The following GAPVD1 variants were observed in gnomAD, a reference collection of about 807,000 sequenced individuals.
GAPVD1 encodes GTPase-activating protein and VPS9 domain-containing protein 1.
In GAPVD1, 35 loss-of-function variants were observed where a neutral mutation model predicts 155.5. The ratio of observed to expected loss-of-function variants is 0.23; its 90% CI spans 0.17 to 0.30. The LOEUF (loss-of-function observed/expected upper bound fraction) is 0.30. GAPVD1 is among the 10% of genes least tolerant of loss of function. GAPVD1 has a pLI of 1.00. For synonymous variants in GAPVD1, 636 were observed against 619.7 expected (o/e 1.03, Z -0.39); for missense variants, 1,429 against 1,775.7 (o/e 0.80, Z 3.51).
In GAPVD1 at chr9:125,302,529, G is replaced by C. The variant is rs1272578694; in HGVS notation, c.732G>C (p.Arg244Ser). ...LFGEKGSDRF[R>S]QKVQEMVESN... ...GAGAGAAGGGCTCAGATAGATTCAG[G>C]CAAAAAGTTCAAGAAATGGTGGAGT... is the stretch of plus-strand genomic sequence containing the variant. Residue 244 changes from arginine to serine, a missense_variant, in exon 5 of 28, where the codon AGG (arginine) becomes AGC (serine). Around this residue, in one of 4 missense-constraint regions of GAPVD1, gnomAD observed 628 missense variants for 733.4 expected, o/e 0.86. Transcript: ENST00000297933. The C allele has an allele frequency of 6.2e-7, 1 of 1,613,894 alleles. No individual in the cohort carries two copies. The highest frequency in any genetic ancestry group is 8.5e-7 in the Non-Finnish European group (1 of 1,179,916).
intron 2 of GAPVD1, among the ~76,000 whole-genome samples, chr9:125,275,010 A>G (rs1835532938): frequency 6.6e-6 from 1 of 152,144 alleles, no homozygotes; most frequent in Non-Finnish European, 1.5e-5. Context: ...TTTTCGCTTA[A>G]TGATGTCTGA....
intron 5 of GAPVD1, chr9:125,303,985 G>A (rs1487262593): frequency 6.6e-6 from 1 of 152,022 alleles, no homozygotes; most frequent in African/African-American, 2.4e-5. Context: ...AATCTTCTCT[G>A]TAGAGTTCCA....
At chr9:125,290,715 A>G (rs528553705) in intron 2 of GAPVD1, among the ~76,000 whole-genome samples, 1 of 152,274 alleles carries the variant, frequency 6.6e-6, no homozygotes, top group South Asian at 2.1e-4. Flanking sequence ...TAATGGGGTT[A>G]AAGTGATAAT....
intron 20 of GAPVD1, 171 bp downstream of exon 20, chr9:125,347,112 C>T (rs1848610292): frequency 1.5e-6 from 1 of 663,724 alleles, no homozygotes; most frequent in South Asian, 1.9e-5. Context: ...TCTGGATTCT[C>T]CCACTAGCCC....
chr9:125,321,250 A>C (rs563936642), intron 9 of GAPVD1, among the ~76,000 whole-genome samples, 183 bp from the exon 10 acceptor site: 1 of 152,326 alleles, frequency 6.6e-6, no homozygotes, highest in East Asian at 1.9e-4. Context: ...GCATGGCTTC[A>C]GCTGCTTTAA....
chr9:125,366,503 A>G lies in GAPVD1; in HGVS notation c.*3757A>G, dbSNP rs2291858. ...GGTGCTTCCTAGATTTTTCTCTCCCATCTCTTCCTGCTTTGTTTCTTTAAA... is the reference window on the plus strand; with the variant it reads ...GGTGCTTCCTAGATTTTTCTCTCCCGTCTCTTCCTGCTTTGTTTCTTTAAA... On this transcript the variant is annotated 3_prime_UTR_variant, in exon 28 of 28. Coordinates refer to ENST00000297933, the MANE Select transcript of GAPVD1 (RefSeq NM_001282680.3). The G allele has an allele frequency of 0.51, 77,518 of 151,982 alleles. 19,897 individuals are homozygous for G. Among genetic ancestry groups the G allele is most frequent in the Middle Eastern group, 0.58 (171 of 294 alleles). 9.4% of individuals were successfully genotyped at this position (151,982 alleles called of 1,614,324 possible). A position where few individuals can be genotyped will look rare whatever the true frequency, so the allele number is the denominator to read the frequency against.
chr9:125,298,946 C>G lies in GAPVD1; in HGVS notation c.25C>G (p.Leu9Val). The G allele has an allele frequency of 6.2e-7, 1 of 1,608,860 alleles. No homozygotes were observed. Among genetic ancestry groups the G allele is most frequent in the African/African-American group, 1.3e-5 (1 of 74,880 alleles). Residue 9 changes from leucine to valine, a missense_variant, in exon 4 of 28, where the codon CTG (leucine) becomes GTG (valine). Leu to Val is a conservative substitution (Grantham distance 32). This residue lies in a region of GAPVD1 where 628 missense variants were observed against 733.4 expected (regional missense o/e 0.86). Transcript: ENST00000297933. ...GATGGTGAAACTAGATATTCATACT[C>G]TGGCTCATCACCTCAAGCAGGAACG... MVKLDIHT[L>V]AHHLKQERLY...
chr9:125,359,971 C>T (rs1263808603), intron 26 of GAPVD1: 1 of 154,994 alleles, frequency 6.5e-6, no homozygotes, highest in Non-Finnish European at 1.4e-5. Flanking sequence ...GGTATTTGAG[C>T]TTTCTGTTTG....
In GAPVD1 at chr9:125,364,117, C is replaced by A. The variant is rs1455837927; in HGVS notation, c.*1371C>A. ...CCTTGTTGTTGGGAGCATTTCCAGG[C>A]ATCTTTTAAGGGAACTGTGACAAAC... On this transcript the variant is annotated 3_prime_UTR_variant, in exon 28 of 28. Coordinates refer to ENST00000297933, the MANE Select transcript of GAPVD1 (RefSeq NM_001282680.3). 6.6e-6 allele frequency: 1 copy of A among 152,224 alleles called. No individual in the cohort carries two copies. Among genetic ancestry groups the A allele is most frequent in the Non-Finnish European group, 1.5e-5 (1 of 68,040 alleles). The allele number at this position is 152,224 out of a possible 1,614,324, so 9.4% of individuals were successfully genotyped here.
chr9:125,330,176 A>G lies in GAPVD1; in HGVS notation c.2131A>G (p.Thr711Ala). Residue 711 changes from threonine (T) to alanine (A), a missense_variant, in exon 13 of 28, where the codon ACA (threonine) becomes GCA (alanine). Transcript: ENST00000297933. Reference protein sequence around the residue: ...PCTGSTISETTSEAWSVEVLP... With the variant: ...PCTGSTISETASEAWSVEVLP... ...CACTGGTTCTACCATATCAGAGACA[A>G]CAAGTGAAGCTTGGAGTGTAGAGGT... 2 of 1,612,718 alleles carry G rather than the reference A, an allele frequency of 1.2e-6. No individual in the cohort carries two copies. Among genetic ancestry groups the G allele is most frequent in the Non-Finnish European group, 1.7e-6 (2 of 1,179,042 alleles).
At chr9:125,295,774 TA>T (rs1297586534) in intron 3 of GAPVD1, among the ~76,000 whole-genome samples, 200 bp downstream of exon 3, 1 of 152,132 alleles carries the variant, frequency 6.6e-6, no homozygotes, top group Non-Finnish European at 1.5e-5. Flanking sequence ...TTGAAGACTT[TA>T]ATTTCTAAAT....
intron 24 of GAPVD1, among the ~76,000 whole-genome samples, chr9:125,355,339 C>T (rs1427803864): frequency 2.0e-5 from 3 of 152,178 alleles, no homozygotes; most frequent in Middle Eastern, 3.2e-3. Flanking sequence ...CTCCTGACCT[C>T]GTGATCCGCC....
At chr9:125,315,005 T>A (rs1183435486) in intron 9 of GAPVD1, among the ~76,000 whole-genome samples, 2 of 152,072 alleles carry the variant, frequency 1.3e-5, no homozygotes, top group African/African-American at 4.8e-5. Flanking sequence ...GCCAGGATAG[T>A]CTCGATCTCC....
intron 9 of GAPVD1, among the ~76,000 whole-genome samples, chr9:125,313,245 A>C (rs1842906533): frequency 6.6e-6 from 1 of 150,652 alleles, no homozygotes; most frequent in Admixed American, 6.6e-5. Flanking sequence ...CAACATACAG[A>C]TTTTGGGGGA....
chr9:125,338,136 A>C (rs989911114), intron 17 of GAPVD1, among the ~76,000 whole-genome samples: 1 of 152,222 alleles, frequency 6.6e-6, no homozygotes, highest in Non-Finnish European at 1.5e-5. Context: ...GGCCTCCCAG[A>C]GTTGCTGGGA....
chr9:125,305,514 G>A (rs1459687736), intron 6 of GAPVD1, among the ~76,000 whole-genome samples: 1 of 151,936 alleles, frequency 6.6e-6, no homozygotes, highest in Non-Finnish European at 1.5e-5. Context: ...GGGATCACAG[G>A]TGCCTGCCAC....
intron 2 of GAPVD1, among the ~76,000 whole-genome samples, chr9:125,273,548 T>C (rs555176479): frequency 2.6e-5 from 4 of 152,036 alleles, no homozygotes; most frequent in African/African-American, 9.6e-5. Flanking sequence ...GGTGATTTAT[T>C]GTATGGATGT....
chr9:125,300,583 A>G (rs515985), intron 4 of GAPVD1, among the ~76,000 whole-genome samples: 91,452 of 151,938 alleles, frequency 0.6, 29,628 homozygotes, highest in African/African-American at 0.87. Flanking sequence ...TCAAAAAGAG[A>G]CAGGACTGAT....
At chr9:125,270,643 TA>T (rs1834743079) in intron 2 of GAPVD1, among the ~76,000 whole-genome samples, 1 of 152,020 alleles carries the variant, frequency 6.6e-6, no homozygotes, top group African/African-American at 2.4e-5. Context: ...ATTTAATATA[TA>T]TATAAGTGAA....
Sources: gnomAD v4.1 joint callset for allele counts (sites outside exome capture counted in the v4.1 genomes callset) on GRCh38, gnomAD v4.1.1 for gene constraint, gnomAD v4.1.1 regional missense constraint, MANE v1.5 for transcripts, NCBI Gene and HGNC (gene_info 2026-07-23, HGNC 2026-07-21) for gene names.